The following MYO1D variants were observed in gnomAD, a reference collection of about 807,000 sequenced individuals.
MYO1D encodes the protein unconventional myosin-Id.
In MYO1D, 83 loss-of-function variants were observed where a neutral mutation model predicts 122.0. That is an observed-to-expected ratio of 0.68 (90% CI 0.57 to 0.82). The LOEUF is 0.82. MYO1D is among the 40% of genes least tolerant of loss of function. The pLI, the probability that MYO1D is intolerant of heterozygous loss-of-function variation, is 0.00. For synonymous variants in MYO1D, 464 were observed against 446.9 expected (o/e 1.04, Z -0.48); for missense variants, 1,157 against 1,269.5 (o/e 0.91, Z 1.35).
intron 1 of MYO1D, among the ~76,000 whole-genome samples, chr17:32,867,956 C>G (rs982695595): frequency 6.6e-6 from 1 of 150,830 alleles, no homozygotes; most frequent in Non-Finnish European, 1.5e-5. Context: ...AGTCTATTAC[C>G]TAGCAATAGT....
At chr17:32,843,833 C>T (rs2090908482) in intron 1 of MYO1D, among the ~76,000 whole-genome samples, 1 of 152,120 alleles carries the variant, frequency 6.6e-6, no homozygotes, top group Non-Finnish European at 1.5e-5. Flanking sequence ...TGGCAATACC[C>T]ATTCTGGAGA....
Position 32,570,451 on chromosome 17 carries a change from G to A in MYO1D, c.2864+34636C>T, listed in dbSNP as rs142345643. 9.9e-3 allele frequency among the ~76,000 whole-genome samples: 1,499 copies of A among 151,978 alleles called. 24 individuals are homozygous for A. The highest frequency in any genetic ancestry group is 0.035 in the African/African-American group (1,432 of 41,430). On this transcript the variant is annotated intron_variant, in intron 21 of 21. Coordinates refer to ENST00000318217, the MANE Select transcript of MYO1D (RefSeq NM_015194.3). ...ATGATCTTGGCTCACTGCAAGCTCC[G>A]CCTTCCAGGTTCATGCCATTCTCCT...
chr17:32,727,192 C>T (rs1291245745), intron 14 of MYO1D, among the ~76,000 whole-genome samples: 1 of 152,212 alleles, frequency 6.6e-6, no homozygotes, highest in Non-Finnish European at 1.5e-5. Context: ...ACACGGTTTG[C>T]TAGCAGGTAG....
intron 16 of MYO1D, among the ~76,000 whole-genome samples, chr17:32,711,075 C>G (rs1018277442): frequency 6.6e-6 from 1 of 152,158 alleles, no homozygotes; most frequent in African/African-American, 2.4e-5. Flanking sequence ...CAAGGACATC[C>G]TCACAGAGGT....
At chr17:32,790,389 T>C (rs1322933841) in intron 1 of MYO1D, among the ~76,000 whole-genome samples, 2 of 152,188 alleles carry the variant, frequency 1.3e-5, no homozygotes, top group Non-Finnish European at 1.5e-5. Flanking sequence ...TCCACACCTG[T>C]TTGTTTCCTA....
intron 1 of MYO1D, among the ~76,000 whole-genome samples, chr17:32,828,515 C>CAA (rs137921871): frequency 0.012 from 887 of 71,474 alleles, 10 homozygotes; most frequent in South Asian, 0.025. Flanking sequence ...GACTCCGTCT[C>CAA]AAAAAAAAAA....
chr17:32,698,929 A>G (rs2089209268), intron 16 of MYO1D, among the ~76,000 whole-genome samples: 1 of 152,124 alleles, frequency 6.6e-6, no homozygotes, highest in South Asian at 2.1e-4. Context: ...CAAACTAAAG[A>G]CGCCACTCCT....
chr17:32,788,883 G>A (rs888403846), intron 1 of MYO1D, among the ~76,000 whole-genome samples: 1 of 152,178 alleles, frequency 6.6e-6, no homozygotes, highest in African/African-American at 2.4e-5. Context: ...CCATTCATAA[G>A]CATGGGATAT....
intron 16 of MYO1D, among the ~76,000 whole-genome samples, chr17:32,693,205 T>C (rs2089126815): frequency 6.6e-6 from 1 of 152,238 alleles, no homozygotes; most frequent in Admixed American, 6.5e-5. Flanking sequence ...GTCAAATCTC[T>C]TGAGCTTGTA....
At chr17:32,668,198 G>C (rs2088662493) in intron 16 of MYO1D, among the ~76,000 whole-genome samples, 1 of 152,142 alleles carries the variant, frequency 6.6e-6, no homozygotes, top group Non-Finnish European at 1.5e-5. Flanking sequence ...TTTTGATGTA[G>C]AACTACAGAG....
At chr17:32,857,280 G>C (rs2091034472) in intron 1 of MYO1D, among the ~76,000 whole-genome samples, 1 of 152,098 alleles carries the variant, frequency 6.6e-6, no homozygotes, top group Non-Finnish European at 1.5e-5. Context: ...ATTTAAGGCA[G>C]AGCTAATCCT....
chr17:32,867,079 T>A (rs907124799), intron 1 of MYO1D, among the ~76,000 whole-genome samples: 1 of 152,136 alleles, frequency 6.6e-6, no homozygotes, highest in African/African-American at 2.4e-5. Flanking sequence ...AAAGAATGGA[T>A]TGTCTTGGGA....
chr17:32,653,954 G>A lies in MYO1D; in HGVS notation c.2491-7C>T, dbSNP rs2249638. On this transcript the variant is annotated splice_region_variant and splice_polypyrimidine_tract_variant and intron_variant, in intron 18 of 21. Transcript: ENST00000318217. ...TCTGAGGTGTATCTGGCTTCTGAAA[G>A]AGAAAGGAAACAAGACAAAATGAGT... 0.69 allele frequency: 1,100,484 copies of A among 1,605,636 alleles called. 378,796 individuals carry two copies. Among genetic ancestry groups the A allele is most frequent in the East Asian group, 0.73 (32,564 of 44,762 alleles).
intron 19 of MYO1D, among the ~76,000 whole-genome samples, chr17:32,640,415 G>A (rs373394397): frequency 0.015 from 2,279 of 149,530 alleles, 54 homozygotes; most frequent in African/African-American, 0.046. Flanking sequence ...ATGCTGGTGC[G>A]CTGCACCCAC....
At chr17:32,843,280 CTAT>C (rs1204368305) in intron 1 of MYO1D, among the ~76,000 whole-genome samples, 1 of 152,122 alleles carries the variant, frequency 6.6e-6, no homozygotes, top group Non-Finnish European at 1.5e-5. Flanking sequence ...CTAAGAAAGA[CTAT>C]TGACTTAAAG....
At chr17:32,535,571 C>A (rs965567926) in intron 21 of MYO1D, among the ~76,000 whole-genome samples, 13 of 152,114 alleles carry the variant, frequency 8.5e-5, no homozygotes, top group Non-Finnish European at 5.9e-5. Context: ...CATGGTGAAA[C>A]CCCATCTCTA....
At chr17:32,640,228 A>G (rs2088176412) in intron 19 of MYO1D, among the ~76,000 whole-genome samples, 1 of 152,228 alleles carries the variant, frequency 6.6e-6, no homozygotes, top group African/African-American at 2.4e-5. Flanking sequence ...ATAACTTTAC[A>G]TAGCAACAGC....
At chr17:32,634,883 G>C (rs2052097726) in intron 20 of MYO1D, among the ~76,000 whole-genome samples, 1 of 152,188 alleles carries the variant, frequency 6.6e-6, no homozygotes, top group Non-Finnish European at 1.5e-5. Context: ...CCAATATTCA[G>C]CGTGATCTGT....
At chr17:32,853,641 T>C (rs991179299) in intron 1 of MYO1D, among the ~76,000 whole-genome samples, 2 of 152,234 alleles carry the variant, frequency 1.3e-5, no homozygotes, top group South Asian at 4.1e-4. Flanking sequence ...AAGGATTCTA[T>C]TCATTTTTGT....
Sources: allele counts gnomAD v4.1 joint callset (sites outside exome capture counted in the v4.1 genomes callset), GRCh38; gene constraint gnomAD v4.1.1; transcripts MANE v1.5; gene names NCBI Gene and HGNC (gene_info 2026-07-23, HGNC 2026-07-21).